The following SNX14 variants were observed in gnomAD, a reference collection of about 807,000 sequenced individuals.
The protein encoded by SNX14 is sorting nexin 14, also known as sorting nexin-14.
In SNX14, 93 loss-of-function variants were observed where a neutral mutation model predicts 133.8. The ratio of observed to expected loss-of-function variants is 0.70; its 90% CI spans 0.59 to 0.83. The LOEUF is 0.83. Among genes scored for constraint, SNX14 ranks in the 40% least tolerant of loss-of-function variants. The pLI, the probability that SNX14 is intolerant of heterozygous loss-of-function variation, is 0.00. For synonymous variants in SNX14, 368 were observed against 365.6 expected, an observed-to-expected ratio of 1.01 and a Z score of -0.07; for missense variants, 945 against 1,094.9, an observed-to-expected ratio of 0.86 and a Z score of 1.93.
intron 4 of SNX14, 30 bp downstream of exon 4, chr6:85,572,107 T>G: frequency 6.4e-7 from 1 of 1,555,396 alleles, no homozygotes; most frequent in Non-Finnish European, 8.7e-7. Context: ...TTTAACATTT[T>G]CTGTTAATAA....
intron 4 of SNX14, 77 bp from the exon 5 acceptor site, chr6:85,567,654 T>G (rs186072890): frequency 4.4e-5 from 41 of 927,338 alleles, no homozygotes; most frequent in Non-Finnish European, 5.7e-5. Context: ...TTTGGGAATA[T>G]GTAACATTAC....
At chr6:85,520,927 G>A (rs1032075769) in intron 21 of SNX14, among the ~76,000 whole-genome samples, 6 of 152,164 alleles carry the variant, frequency 3.9e-5, no homozygotes, top group Non-Finnish European at 7.3e-5. Flanking sequence ...TACTATGAAC[G>A]TTCTTAAACA....
At chr6:85,514,395 G>A (rs1582494387) in intron 24 of SNX14, 111 bp downstream of exon 24, 1 of 1,436,578 alleles carries the variant, frequency 7.0e-7, no homozygotes, top group East Asian at 2.3e-5. Context: ...ATTATAAAAG[G>A]TATCTTCAAT....
chr6:85,535,502 G>A (rs187626774), intron 17 of SNX14, among the ~76,000 whole-genome samples: 15 of 151,058 alleles, frequency 9.9e-5, no homozygotes, highest in Admixed American at 2.0e-4. Context: ...TGCAACCCCA[G>A]CTACTCAGGA....
At chr6:85,530,121 T>A (rs1340424141) in intron 19 of SNX14, 71 bp downstream of exon 19, 1 of 869,860 alleles carries the variant, frequency 1.1e-6, no homozygotes, top group Non-Finnish European at 1.8e-6. Flanking sequence ...ATAAAAAAAT[T>A]AATCTGGTGT....
chr6:85,513,474 C>T (rs988501888), intron 26 of SNX14, among the ~76,000 whole-genome samples: 1 of 152,224 alleles, frequency 6.6e-6, no homozygotes, highest in African/African-American at 2.4e-5. Flanking sequence ...TTATCATACA[C>T]ACTAGTGAGC....
At chr6:85,531,795 G>T (rs553215857) in intron 18 of SNX14, among the ~76,000 whole-genome samples, 1 of 152,250 alleles carries the variant, frequency 6.6e-6, no homozygotes, top group East Asian at 1.9e-4. Context: ...GGAGGCCAAG[G>T]CAGGAAGACC....
At position 85,505,983 on chromosome 6, in the gene SNX14, A is replaced by G; in HGVS notation, c.2825T>C (p.Val942Ala). The G allele has an allele frequency of 6.2e-7, 1 of 1,600,134 alleles. No individual in the cohort carries two copies. Among genetic ancestry groups the G allele is most frequent in the South Asian group, 1.1e-5 (1 of 90,748 alleles). Reference sequence around the variant, plus strand: ...TCCAAGTGTTTACATCCAAGATGTCACAGAGGTAACTTCCTTTTGTACCTA... The same window carrying G: ...TCCAAGTGTTTACATCCAAGATGTCGCAGAGGTAACTTCCTTTTGTACCTA... ...LNKVQKEVTS[V>A]TSWM Residue 942 changes from valine (V) to alanine (A), a missense_variant, in exon 29 of 29, where the codon GTG (valine) becomes GCG (alanine). Coordinates refer to ENST00000314673, the MANE Select transcript of SNX14 (RefSeq NM_153816.6).
chr6:85,517,349 C>T (rs1243272879), intron 23 of SNX14, among the ~76,000 whole-genome samples: 4 of 152,120 alleles, frequency 2.6e-5, no homozygotes, highest in East Asian at 1.9e-4. Flanking sequence ...AGCACTCAAT[C>T]GTAGGCATGT....
chr6:85,506,517 C>T (rs771624373), intron 28 of SNX14, among the ~76,000 whole-genome samples: 2 of 152,096 alleles, frequency 1.3e-5, no homozygotes, highest in African/African-American at 2.4e-5. Context: ...AGGGTTTCAC[C>T]GTGTTAGCTA....
chr6:85,521,565 A>T (rs1326063627), intron 21 of SNX14, among the ~76,000 whole-genome samples: 1 of 152,204 alleles, frequency 6.6e-6, no homozygotes, highest in Non-Finnish European at 1.5e-5. Flanking sequence ...GTTGCAAAAC[A>T]TACAGGTAAA....
chr6:85,547,825 A>G (rs1786221413), intron 9 of SNX14, among the ~76,000 whole-genome samples: 1 of 152,202 alleles, frequency 6.6e-6, no homozygotes, highest in Admixed American at 6.5e-5. Flanking sequence ...ATCTCACTGG[A>G]TCAAAGGTAG....
chr6:85,530,804 T>C (rs537057053), intron 18 of SNX14, among the ~76,000 whole-genome samples: 2 of 152,302 alleles, frequency 1.3e-5, no homozygotes, highest in South Asian at 4.1e-4. Context: ...TATGAAGTTA[T>C]CTCAAATATA....
In SNX14 at chr6:85,533,265, T is replaced by A. The variant is rs574173069; in HGVS notation, c.1810+334A>T. ...TTAATTAAACTAGAATAATACCTGATACAGTGCTATATGGATTAATGATAA... is the reference window on the plus strand; with the variant it reads ...TTAATTAAACTAGAATAATACCTGAAACAGTGCTATATGGATTAATGATAA... On this transcript the variant is annotated intron_variant, in intron 18 of 28. Coordinates refer to ENST00000314673, the MANE Select transcript of SNX14 (RefSeq NM_153816.6). 1.2e-3 allele frequency among the ~76,000 whole-genome samples: 190 copies of A among 152,318 alleles called. 1 individual carries two copies. Among genetic ancestry groups the A allele is most frequent in the African/African-American group, 4.2e-3 (176 of 41,566 alleles).
At chr6:85,565,225 C>T in intron 6 of SNX14, 107 bp downstream of exon 6, 2 of 619,166 alleles carry the variant, frequency 3.2e-6, no homozygotes, top group Middle Eastern at 4.4e-4. Context: ...ATCTCATGTA[C>T]CCCACAAATA....
intron 26 of SNX14, among the ~76,000 whole-genome samples, chr6:85,509,346 T>A (rs1771940405): frequency 1.3e-5 from 2 of 150,922 alleles, no homozygotes; most frequent in Admixed American, 6.6e-5. Flanking sequence ...TAAAAAAAAA[T>A]TATTTCATCA....
chr6:85,583,313 CA>C (rs1799627472), intron 1 of SNX14, among the ~76,000 whole-genome samples: 1 of 152,110 alleles, frequency 6.6e-6, no homozygotes, highest in Non-Finnish European at 1.5e-5. Flanking sequence ...ACTGAATGGG[CA>C]AAAAGCATTC....
Position 85,528,346 on chromosome 6 carries a change from G to A in SNX14, c.1911C>T (p.Ala637=). Residue 637 remains alanine (A), a synonymous_variant, in exon 20 of 29, where the codon GCC becomes GCT. Transcript: ENST00000314673. ...CAATGATCCTCTTAGAAGGAAGCTG[G>A]GCATCAGGAAATGCACCTGAAATTA... ...LTEFHGAFPD[A]QLPSKRIIGP... is the part of the protein sequence containing the mutation. 1 of 1,612,086 alleles carries A rather than the reference G, an allele frequency of 6.2e-7. No individual in the cohort carries two copies. The highest frequency in any genetic ancestry group is 8.5e-7 in the Non-Finnish European group (1 of 1,179,052).
At chr6:85,562,508 A>G (rs754100505) in intron 6 of SNX14, among the ~76,000 whole-genome samples, 1 of 151,976 alleles carries the variant, frequency 6.6e-6, no homozygotes, top group Non-Finnish European at 1.5e-5. Context: ...CAATCTTAGT[A>G]GACATCAATT....
Sources: allele counts gnomAD v4.1 joint callset (sites outside exome capture counted in the v4.1 genomes callset), GRCh38; gene constraint gnomAD v4.1.1; transcripts MANE v1.5; gene names NCBI Gene and HGNC (gene_info 2026-07-23, HGNC 2026-07-21).